CERS6: variants seen among roughly 807,000 people sequenced by gnomAD.
CERS6 encodes the protein ceramide synthase 6.
In CERS6, 26 loss-of-function variants were observed where a neutral mutation model predicts 56.8. That is an observed-to-expected ratio of 0.46 (90% CI 0.34 to 0.63). CERS6 has a LOEUF of 0.63. Ranked by LOEUF, CERS6 falls within the 30% of genes least tolerant of loss-of-function variation. The pLI, the probability that CERS6 is intolerant of heterozygous loss-of-function variation, is 0.01. For synonymous variants in CERS6, 164 were observed against 173.3 expected (o/e 0.95, Z 0.42); for missense variants, 415 against 467.5 (o/e 0.89, Z 1.04).
At chr2:168,709,520 TGTGA>T (rs560680495) in intron 6 of CERS6, among the ~76,000 whole-genome samples, 124 of 152,186 alleles carry the variant, frequency 8.1e-4, no homozygotes, top group South Asian at 1.7e-3. Context: ...TGATAATGGC[TGTGA>T]GTATGTCCAG....
chr2:168,497,442 C>T (rs751662337), intron 1 of CERS6, among the ~76,000 whole-genome samples: 28 of 152,052 alleles, frequency 1.8e-4, no homozygotes, highest in Non-Finnish European at 2.6e-4. Flanking sequence ...AAGATAGATA[C>T]CTAAGTACTT....
At chr2:168,588,491 A>G (rs1280276762) in intron 3 of CERS6, among the ~76,000 whole-genome samples, 4 of 152,186 alleles carry the variant, frequency 2.6e-5, no homozygotes, top group African/African-American at 4.8e-5. Context: ...AGTACTTTAT[A>G]TAAGTGGAAT....
At chr2:168,562,264 T>C (rs1247996881) in intron 3 of CERS6, among the ~76,000 whole-genome samples, 1 of 152,142 alleles carries the variant, frequency 6.6e-6, no homozygotes, top group Non-Finnish European at 1.5e-5. Flanking sequence ...AGGGGTGACC[T>C]TCCCCTCCAC....
intron 4 of CERS6, among the ~76,000 whole-genome samples, chr2:168,674,338 TC>T (rs774128578): frequency 5.3e-5 from 8 of 152,188 alleles, no homozygotes; most frequent in Non-Finnish European, 1.0e-4. Context: ...TCAAAGGCCA[TC>T]CCTTTTCCTC....
At chr2:168,748,832 G>C (rs554560512) in intron 8 of CERS6, among the ~76,000 whole-genome samples, 18 of 77,402 alleles carry the variant, frequency 2.3e-4, no homozygotes, top group South Asian at 4.2e-4. Context: ...GGTTGGGGGT[G>C]GGGGGGGGGC....
intron 3 of CERS6, among the ~76,000 whole-genome samples, chr2:168,574,534 A>G (rs1056668749): frequency 2.0e-5 from 3 of 152,132 alleles, no homozygotes; most frequent in South Asian, 2.1e-4. Context: ...GGATGAACAA[A>G]CAATCCTTCA....
At chr2:168,756,578 A>G (rs1413774791) in intron 8 of CERS6, among the ~76,000 whole-genome samples, 1 of 152,246 alleles carries the variant, frequency 6.6e-6, no homozygotes, top group African/African-American at 2.4e-5. Context: ...GCATATGGCT[A>G]CCAGAAACCA....
chr2:168,684,127 A>G (rs1437279323), intron 4 of CERS6, among the ~76,000 whole-genome samples: 2 of 152,188 alleles, frequency 1.3e-5, no homozygotes, highest in African/African-American at 4.8e-5. Context: ...GAGGACTAGT[A>G]TCCTTTTTAA....
chr2:168,550,622 T>C (rs972449157), intron 2 of CERS6, among the ~76,000 whole-genome samples: 3 of 152,176 alleles, frequency 2.0e-5, no homozygotes, highest in Non-Finnish European at 4.4e-5. Flanking sequence ...AGGTTTCCCT[T>C]TTCTCCAGCC....
intron 1 of CERS6, among the ~76,000 whole-genome samples, chr2:168,491,826 G>A (rs1694379911): frequency 6.6e-6 from 1 of 152,034 alleles, no homozygotes; most frequent in Non-Finnish European, 1.5e-5. Context: ...GTGTCCATGT[G>A]TTCTCATTGT....
Position 168,772,174 on chromosome 2 carries a change from T to C in CERS6, c.*2512T>C, listed in dbSNP as rs1684879838. 6.6e-6 allele frequency: 1 copy of C among 152,222 alleles called. No individual in the cohort carries two copies. The highest frequency in any genetic ancestry group is 1.5e-5 in the Non-Finnish European group (1 of 68,044). The allele number at this position is 152,222 out of a possible 1,614,324, so 9.4% of individuals were successfully genotyped here. A position where few individuals can be genotyped will look rare whatever the true frequency, so the allele number is the denominator to read the frequency against. On this transcript the variant is annotated 3_prime_UTR_variant, in exon 10 of 10. Transcript: ENST00000305747. ...GAAGTGTATTTTGTAAATTCAACTA[T>C]AGGTTAGTCAGAATGCTGTTTTTCG...
chr2:168,645,328 C>G (rs1685172344), intron 4 of CERS6, among the ~76,000 whole-genome samples: 1 of 149,828 alleles, frequency 6.7e-6, no homozygotes, highest in Non-Finnish European at 1.5e-5. Context: ...ATTTCCTTTT[C>G]CCACAGAGAT....
At chr2:168,626,775 T>C (rs1684600600) in intron 3 of CERS6, among the ~76,000 whole-genome samples, 1 of 152,118 alleles carries the variant, frequency 6.6e-6, no homozygotes, top group Admixed American at 6.5e-5. Context: ...CCAATACTGG[T>C]CTTACAAGGT....
At chr2:168,725,483 T>G (rs1325055739) in intron 8 of CERS6, among the ~76,000 whole-genome samples, 1 of 152,278 alleles carries the variant, frequency 6.6e-6, no homozygotes, top group Non-Finnish European at 1.5e-5. Context: ...CTTAAATAAT[T>G]TGATTGTTCC....
chr2:168,691,163 C>A, intron 5 of CERS6, 79 bp downstream of exon 5: 3 of 1,372,004 alleles, frequency 2.2e-6, no homozygotes. Context: ...CAGGCAGGCC[C>A]CAACAGGTTG....
chr2:168,471,874 A>G (rs1213497331), intron 1 of CERS6, among the ~76,000 whole-genome samples: 1 of 152,204 alleles, frequency 6.6e-6, no homozygotes, highest in Non-Finnish European at 1.5e-5. Flanking sequence ...ATGATTATAT[A>G]TTTTGGGTGT....
At chr2:168,574,260 A>T (rs1377435647) in intron 3 of CERS6, among the ~76,000 whole-genome samples, 1 of 152,200 alleles carries the variant, frequency 6.6e-6, no homozygotes, top group African/African-American at 2.4e-5. Flanking sequence ...AAGCGTTTAC[A>T]TGAATCCTGG....
chr2:168,672,031 A>G (rs1186007161), intron 4 of CERS6, among the ~76,000 whole-genome samples: 1 of 152,238 alleles, frequency 6.6e-6, no homozygotes, highest in Non-Finnish European at 1.5e-5. Flanking sequence ...CTCAAAGTTG[A>G]TGGAACAGTG....
At chr2:168,574,779 G>A (rs187575369) in intron 3 of CERS6, among the ~76,000 whole-genome samples, 17 of 152,128 alleles carry the variant, frequency 1.1e-4, no homozygotes, top group African/African-American at 4.1e-4. Context: ...TAATACTCTT[G>A]GGTATACATT....
Sources: allele counts gnomAD v4.1 joint callset (sites outside exome capture counted in the v4.1 genomes callset), GRCh38; gene constraint gnomAD v4.1.1; transcripts MANE v1.5; gene names NCBI Gene and HGNC (gene_info 2026-07-23, HGNC 2026-07-21).